The following ZNF143 variants were observed in gnomAD, a reference collection of about 807,000 sequenced individuals.
ZNF143 encodes SPH-binding factor.
Under a neutral mutation model 74.1 loss-of-function variants are expected in ZNF143, and 49 were observed. The ratio of observed to expected loss-of-function variants is 0.66; its 90% CI spans 0.53 to 0.84. The LOEUF is 0.84. Among genes scored for constraint, ZNF143 ranks in the 40% least tolerant of loss-of-function variants. ZNF143 has a pLI of 0.00. For synonymous variants in ZNF143, 304 were observed against 282.8 expected (o/e 1.07, Z -0.75); for missense variants, 637 against 793.4 (o/e 0.80, Z 2.37).
intron 5 of ZNF143, among the ~76,000 whole-genome samples, chr11:9,476,405 G>A (rs11042379): frequency 0.068 from 10,368 of 151,760 alleles, 384 homozygotes; most frequent in South Asian, 0.076. Flanking sequence ...AGACAGTCTC[G>A]CTCTGTTGCC....
intron 7 of ZNF143, among the ~76,000 whole-genome samples, chr11:9,479,917 C>T (rs1317331528): frequency 2.0e-5 from 3 of 152,178 alleles, no homozygotes; most frequent in Admixed American, 1.3e-4. Context: ...CTAAATAATC[C>T]TCACTGCTTT....
Position 9,527,523 on chromosome 11 carries a change from G to C in ZNF143, c.1834-7G>C, listed in dbSNP as rs753601781. The C allele has an allele frequency of 3.7e-6, 6 of 1,613,324 alleles. No individual in the cohort carries two copies. Among genetic ancestry groups the C allele is most frequent in the Non-Finnish European group, 5.1e-6 (6 of 1,179,718 alleles). ...GTTAGCGTTTGATGTGTGTGTTCCT[G>C]TTTCAGCTTGGAGAACAGCCATCTC... On this transcript the variant is annotated splice_region_variant and splice_polypyrimidine_tract_variant and intron_variant, in intron 15 of 15. Coordinates refer to ENST00000396602, the MANE Select transcript of ZNF143 (RefSeq NM_003442.6).
At chr11:9,490,094 G>C (rs1402595881) in intron 7 of ZNF143, among the ~76,000 whole-genome samples, 1 of 152,000 alleles carries the variant, frequency 6.6e-6, no homozygotes, top group African/African-American at 2.4e-5. Context: ...TGAGGCAAGA[G>C]GATCACTTGA....
intron 7 of ZNF143, 98 bp from the exon 8 acceptor site, chr11:9,494,547 AT>A: frequency 2.4e-6 from 3 of 1,239,112 alleles, no homozygotes; most frequent in Non-Finnish European, 2.2e-6. Context: ...CTGGGCTCAA[AT>A]GATCCGCCTA....
At chr11:9,510,439 T>C (rs564734031) in intron 12 of ZNF143, among the ~76,000 whole-genome samples, 4 of 152,184 alleles carry the variant, frequency 2.6e-5, no homozygotes, top group Admixed American at 6.5e-5. Context: ...GTTCCTATAT[T>C]CTAGAAAATA....
chr11:9,500,956 A>G (rs1157000122), intron 10 of ZNF143, 135 bp from the exon 11 acceptor site: 9 of 1,048,760 alleles, frequency 8.6e-6, no homozygotes, highest in Non-Finnish European at 1.2e-5. Flanking sequence ...CCCCCCCAAA[A>G]AAATGCCTGA....
chr11:9,484,336 G>T (rs762151308), intron 7 of ZNF143, among the ~76,000 whole-genome samples: 11 of 151,202 alleles, frequency 7.3e-5, no homozygotes, highest in African/African-American at 2.5e-4. Context: ...TGGTATCACA[G>T]GAGCGTGCCA....
At chr11:9,461,164 C>G (rs1407885494) in intron 1 of ZNF143, 88 bp downstream of exon 1, 4 of 841,724 alleles carry the variant, frequency 4.8e-6, no homozygotes, top group Non-Finnish European at 5.7e-6. Context: ...CCGCTTGGGC[C>G]CGGGCTCCGG....
chr11:9,498,970 A>G (rs181030080), intron 10 of ZNF143, among the ~76,000 whole-genome samples: 87 of 152,262 alleles, frequency 5.7e-4, no homozygotes, highest in African/African-American at 2.1e-3. Context: ...CTTTTTATTT[A>G]TTGTATCAGA....
intron 1 of ZNF143, among the ~76,000 whole-genome samples, chr11:9,470,926 G>A (rs1294128356): frequency 6.6e-6 from 1 of 151,946 alleles, no homozygotes; most frequent in East Asian, 1.9e-4. Flanking sequence ...CCAGATTCGG[G>A]GTAGATTTCT....
In ZNF143 at chr11:9,471,410, C is replaced by G. The variant is rs372272618; in HGVS notation, c.102C>G (p.Val34=). ...TTACGCTGTGCTTGACAGAGGCAGT[C>G]ACCGTGGCAGGTGAGCAGTTGTGTT... The part of the protein sequence containing the change: ...QHVTLCLTEA[V]TVADGDNLEN... Residue 34 remains valine, a synonymous_variant, in exon 2 of 16, where the codon GTC becomes GTG. Coordinates refer to ENST00000396602, the MANE Select transcript of ZNF143 (RefSeq NM_003442.6). 161 of 1,601,708 alleles carry G rather than the reference C, an allele frequency of 1.0e-4. No individual in the cohort carries two copies. The highest frequency in any genetic ancestry group is 1.2e-4 in the Non-Finnish European group (145 of 1,174,896).
chr11:9,501,368 C>G (rs1361392771), intron 11 of ZNF143, 98 bp downstream of exon 11: 1 of 1,381,032 alleles, frequency 7.2e-7, no homozygotes. Context: ...TCCCTCCTTT[C>G]TATCACTTGG....
In ZNF143 at chr11:9,473,931, T is replaced by C. The variant is rs756665561; in HGVS notation, c.206-10T>C. Reference sequence around the variant, plus strand: ...TGTGCCAATTTATTGTCTTGAATCTTTTGTTATAGATGCAAAACTCATAGA... The same window carrying C: ...TGTGCCAATTTATTGTCTTGAATCTCTTGTTATAGATGCAAAACTCATAGA... On this transcript the variant is annotated splice_polypyrimidine_tract_variant and intron_variant, in intron 3 of 15. Transcript: ENST00000396602. 1.9e-6 allele frequency: 3 copies of C among 1,614,036 alleles called. No individual in the cohort carries two copies. The South Asian group carries it at 3.3e-5, about 18-fold the overall frequency.
Position 9,465,754 on chromosome 11 carries a change from T to C in ZNF143, c.-8+4678T>C, listed in dbSNP as rs566395363. Among the ~76,000 whole-genome samples, 6 of 151,908 alleles carry C rather than the reference T, an allele frequency of 3.9e-5. No homozygotes were observed. The South Asian group carries it at 1.2e-3, about 32-fold the overall frequency. ...CGTCTTGGCCTCCCAAAGGACTTAT[T>C]ATTATAAGTTTTAAATTTATATTAC... On this transcript the variant is annotated intron_variant, in intron 1 of 15. Transcript: ENST00000396602.
At chr11:9,462,538 G>T (rs758075243) in intron 1 of ZNF143, among the ~76,000 whole-genome samples, 7 of 150,844 alleles carry the variant, frequency 4.6e-5, no homozygotes, top group Non-Finnish European at 8.9e-5. Flanking sequence ...ACTCCCGTCT[G>T]GGTGACAGAG....
At chr11:9,491,808 T>A (rs1371675741) in intron 7 of ZNF143, among the ~76,000 whole-genome samples, 1 of 152,162 alleles carries the variant, frequency 6.6e-6, no homozygotes, top group Non-Finnish European at 1.5e-5. Flanking sequence ...GTTTTTGCAT[T>A]TTTGTAGAAA....
chr11:9,499,165 A>G (rs1245449117), intron 10 of ZNF143, among the ~76,000 whole-genome samples: 2 of 152,240 alleles, frequency 1.3e-5, no homozygotes, highest in African/African-American at 2.4e-5. Context: ...CTTTAAAATC[A>G]TGATATTTTC....
intron 7 of ZNF143, among the ~76,000 whole-genome samples, chr11:9,489,345 C>T (rs1359754826): frequency 6.6e-6 from 1 of 152,170 alleles, no homozygotes; most frequent in Non-Finnish European, 1.5e-5. Flanking sequence ...GTCCCCACCC[C>T]ACAGGCACAC....
intron 9 of ZNF143, among the ~76,000 whole-genome samples, chr11:9,497,145 AG>A (rs1270819657): frequency 6.6e-6 from 1 of 152,230 alleles, no homozygotes; most frequent in African/African-American, 2.4e-5. Context: ...GAGGCACTTT[AG>A]AAAAGAAACA....
Sources: gnomAD v4.1 joint callset for allele counts (sites outside exome capture counted in the v4.1 genomes callset) on GRCh38, gnomAD v4.1.1 for gene constraint, MANE v1.5 for transcripts, NCBI Gene and HGNC (gene_info 2026-07-23, HGNC 2026-07-21) for gene names.